The following CELF2 variants were observed in gnomAD, a reference collection of about 807,000 sequenced individuals.
CELF2 encodes the protein CUG triplet repeat RNA-binding protein 2.
In CELF2, 8 loss-of-function variants were observed where a neutral mutation model predicts 62.6. That is an observed-to-expected ratio of 0.13 (90% confidence interval 0.07 to 0.23). The LOEUF (loss-of-function observed/expected upper bound fraction) is 0.23. CELF2 is among the 10% of genes least tolerant of loss of function. CELF2 has a pLI of 1.00. For missense variants in CELF2, 333 were observed against 671.0 expected (o/e 0.50, Z 5.56); for synonymous variants, 258 against 250.0 (o/e 1.03, Z -0.30).
At chr10:10,926,687 C>T (rs2065500002) in intron 2 of CELF2, among the ~76,000 whole-genome samples, 1 of 152,140 alleles carries the variant, frequency 6.6e-6, no homozygotes, top group African/African-American at 2.4e-5. Context: ...CATGCCTGAT[C>T]CCTTAGGGAG....
At chr10:10,537,816 G>T in the CELF2 span, among the ~76,000 whole-genome samples, 5 of 152,158 alleles carry the variant, frequency 3.3e-5, no homozygotes, top group African/African-American at 1.2e-4. Context: ...TTAAGCCTAT[G>T]ACTGAAAACA....
rs1453276316 is a variant in CELF2, at chr10:11,329,179, T to A, written c.*126T>A. On this transcript the variant is annotated 3_prime_UTR_variant, in exon 13 of 13. Transcript: ENST00000633077. This position sits in a 1 kb window ranked among gnomAD's most constrained non-coding sequence, Gnocchi z 5.5. ...CAACTTTTACCAAGAGAGACGGTTA[T>A]TTTTACAATAAGGCCTCCATGTCCC... The A allele has an allele frequency of 1.9e-6, 2 of 1,039,004 alleles. No homozygotes were observed. Among genetic ancestry groups the A allele is most frequent in the Admixed American group, 5.3e-5 (2 of 37,736 alleles). 64.4% of individuals were successfully genotyped at this position (1,039,004 alleles called of 1,614,324 possible). A position where few individuals can be genotyped will look rare whatever the true frequency, so the allele number is the denominator to read the frequency against.
At chr10:11,135,471 C>T (rs547955913) in intron 1 of CELF2, among the ~76,000 whole-genome samples, 45 of 152,316 alleles carry the variant, frequency 3.0e-4, no homozygotes, top group African/African-American at 1.1e-3. Context: ...CCTCTAAACT[C>T]CACTCTAGTT....
At chr10:11,272,610 A>G (rs1443446720) in intron 7 of CELF2, among the ~76,000 whole-genome samples, 2 of 152,226 alleles carry the variant, frequency 1.3e-5, no homozygotes, top group South Asian at 2.1e-4. Flanking sequence ...TGTGTAGGTG[A>G]AGGAGAGGAA....
the CELF2 span, among the ~76,000 whole-genome samples, chr10:10,695,843 G>A: frequency 3.8e-4 from 58 of 151,734 alleles, no homozygotes; most frequent in Non-Finnish European, 6.0e-4. Context: ...CTCGAGCCTT[G>A]GTTTTCAGCT....
At chr10:10,805,173 G>T (rs763775666) in intron 1 of CELF2, among the ~76,000 whole-genome samples, 6 of 152,182 alleles carry the variant, frequency 3.9e-5, no homozygotes, top group Non-Finnish European at 7.3e-5. Context: ...TATTTAGAAG[G>T]AAGTGATACT....
At chr10:11,004,343 A>T (rs943101942), upstream of CELF2, among the ~76,000 whole-genome samples, 2 of 152,104 alleles carry the variant, frequency 1.3e-5, no homozygotes, top group Non-Finnish European at 2.9e-5. The surrounding 1 kb of genome is among the most constrained non-coding windows in gnomAD (Gnocchi z 5.0). Flanking sequence ...ACCTCCTGGA[A>T]TAGTGCCTTA....
At chr10:10,622,200 G>A in the CELF2 span, among the ~76,000 whole-genome samples, 1 of 152,198 alleles carries the variant, frequency 6.6e-6, no homozygotes, top group Admixed American at 6.5e-5. Flanking sequence ...GTGCATTCAA[G>A]GTTTGAGGTA....
At chr10:11,164,697 G>C (rs1249872800) in intron 1 of CELF2, among the ~76,000 whole-genome samples, 1 of 150,892 alleles carries the variant, frequency 6.6e-6, no homozygotes, top group African/African-American at 2.4e-5. Context: ...CACAAAGCAG[G>C]CAATTCTGAG....
At chr10:10,753,511 A>T in the CELF2 span, among the ~76,000 whole-genome samples, 1 of 152,198 alleles carries the variant, frequency 6.6e-6, no homozygotes, top group Admixed American at 6.5e-5. Flanking sequence ...CATTGCGGAT[A>T]CGAATGGTGT....
chr10:10,568,811 A>G, the CELF2 span, among the ~76,000 whole-genome samples: 1 of 152,158 alleles, frequency 6.6e-6, no homozygotes, highest in Non-Finnish European at 1.5e-5. Flanking sequence ...CAATTTGGAG[A>G]AAGAAAAAGC....
At chr10:10,881,623 C>T (rs1016885530) in intron 1 of CELF2, among the ~76,000 whole-genome samples, 1 of 152,070 alleles carries the variant, frequency 6.6e-6, no homozygotes, top group African/African-American at 2.4e-5. Flanking sequence ...GCTAAATTCC[C>T]GATCTGACTT....
the CELF2 span, among the ~76,000 whole-genome samples, chr10:10,562,083 G>A: frequency 2.6e-5 from 4 of 152,168 alleles, no homozygotes; most frequent in African/African-American, 9.7e-5. Context: ...ACTGCTGTTG[G>A]TTGCCTAGAA....
At chr10:10,706,769 A>G in the CELF2 span, among the ~76,000 whole-genome samples, 4 of 152,228 alleles carry the variant, frequency 2.6e-5, no homozygotes, top group Non-Finnish European at 2.9e-5. Flanking sequence ...TCAAATTTCC[A>G]GACACAAAGT....
At chr10:11,124,095 A>G (rs2058260270) in intron 1 of CELF2, among the ~76,000 whole-genome samples, 1 of 152,160 alleles carries the variant, frequency 6.6e-6, no homozygotes, top group Admixed American at 6.5e-5. Flanking sequence ...CATGAGACTT[A>G]TTCACTATCA....
intron 1 of CELF2, among the ~76,000 whole-genome samples, chr10:11,024,404 C>A (rs976133285): frequency 6.6e-6 from 1 of 152,248 alleles, no homozygotes; most frequent in Non-Finnish European, 1.5e-5. Flanking sequence ...AGTTGGAGAC[C>A]AGCCTGGCCA....
intron 1 of CELF2, among the ~76,000 whole-genome samples, chr10:11,140,464 A>T (rs540487183): frequency 8.0e-4 from 121 of 152,078 alleles, no homozygotes; most frequent in Non-Finnish European, 2.8e-4. Context: ...TCTGTGAAAT[A>T]CTGTAGGTGT....
At chr10:10,835,489 T>C (rs2058213380) in intron 1 of CELF2, among the ~76,000 whole-genome samples, 1 of 151,962 alleles carries the variant, frequency 6.6e-6, no homozygotes, top group Non-Finnish European at 1.5e-5. Context: ...TTCTAGCGAT[T>C]CTCCTGCCTC....
At chr10:10,844,451 T>G (rs10905843) in intron 1 of CELF2, among the ~76,000 whole-genome samples, 71,397 of 151,820 alleles carry the variant, frequency 0.47, 17,299 homozygotes, top group African/African-American at 0.59. Context: ...AAAAATGAAC[T>G]CTTTAAGACA....
Sources: allele counts gnomAD v4.1 joint callset (sites outside exome capture counted in the v4.1 genomes callset), GRCh38; gene constraint gnomAD v4.1.1; non-coding constraint Gnocchi (gnomAD v3.1); transcripts MANE v1.5; gene names NCBI Gene and HGNC (gene_info 2026-07-23, HGNC 2026-07-21).